UGT1A6: variants seen among roughly 807,000 people sequenced by gnomAD.
UGT1A6 encodes UDP-glucuronosyltransferase 1A6.
In UGT1A6, 32 loss-of-function variants were observed where a neutral mutation model predicts 44.4. The ratio of observed to expected loss-of-function variants is 0.72; its 90% CI spans 0.54 to 0.97. The LOEUF is 0.97. Ranked by LOEUF, UGT1A6 falls within the 50% of genes least tolerant of loss-of-function variation. The probability of loss-of-function intolerance (pLI) is 0.00; values close to 1 mark genes in which losing one functional copy is unlikely to be tolerated. For missense variants in UGT1A6, 685 were observed against 661.9 expected, an observed-to-expected ratio of 1.03 and a Z score of -0.38; for synonymous variants, 238 against 248.5, an observed-to-expected ratio of 0.96 and a Z score of 0.40.
chr2:233,718,709 A>T, intron 1 of UGT1A6: 1 of 1,605,752 alleles, frequency 6.2e-7, no homozygotes, highest in African/African-American at 1.3e-5. Context: ...TTGTCTTCCA[A>T]TTACATGCTG....
At chr2:233,770,225 G>C (rs747501170) in intron 4 of UGT1A6, 1 of 152,132 alleles carries the variant, frequency 6.6e-6, no homozygotes, top group Admixed American at 6.5e-5. Flanking sequence ...CTGTCTGATT[G>C]TGAATCTCCA....
chr2:233,758,249 A>C (rs1008368022), intron 1 of UGT1A6, among the ~76,000 whole-genome samples: 1 of 152,236 alleles, frequency 6.6e-6, no homozygotes, highest in African/African-American at 2.4e-5. Context: ...CCCACTATTC[A>C]GATTAGTAAG....
intron 1 of UGT1A6, among the ~76,000 whole-genome samples, chr2:233,711,847 GC>G: frequency 6.6e-6 from 1 of 152,180 alleles, no homozygotes; most frequent in Non-Finnish European, 1.5e-5. Context: ...CAGCAATCTT[GC>G]CAAGCACAAG....
upstream of UGT1A6, chr2:233,692,790 G>A (rs1279360815): frequency 1.5e-6 from 2 of 1,368,172 alleles, no homozygotes; most frequent in Non-Finnish European, 1.9e-6. Context: ...TCAGGTGAAA[G>A]CTGACACGGC....
At position 233,772,036 on chromosome 2, in the gene UGT1A6, C is replaced by T. The variant is rs575173136; in HGVS notation, c.1302-226C>T. Among the ~76,000 whole-genome samples, 3 of 152,210 alleles carry T rather than the reference C, an allele frequency of 2.0e-5. No individual in the cohort carries two copies. The East Asian group carries it at 5.8e-4, about 29-fold the overall frequency. Reference sequence around the variant, plus strand: ...GCTGAGGCAGGAGGATGGCTTGAGCCCAGGAGTTGGAGGCTGCAGTTAGCC... The same window carrying T: ...GCTGAGGCAGGAGGATGGCTTGAGCTCAGGAGTTGGAGGCTGCAGTTAGCC... On this transcript the variant is annotated intron_variant, in intron 4 of 4. Transcript: ENST00000305139.
chr2:233,695,778 T>A (rs2075306638), intron 1 of UGT1A6, among the ~76,000 whole-genome samples: 1 of 152,202 alleles, frequency 6.6e-6, no homozygotes, highest in African/African-American at 2.4e-5. Context: ...CTGAATAATT[T>A]TCCATTCTGT....
chr2:233,718,384 C>A (rs1299175522), intron 1 of UGT1A6, among the ~76,000 whole-genome samples: 1 of 152,166 alleles, frequency 6.6e-6, no homozygotes, highest in Non-Finnish European at 1.5e-5. Flanking sequence ...GAAAGAGTTT[C>A]AAGGGTTAGC....
At chr2:233,713,228 G>T (rs200357281) in intron 1 of UGT1A6, 1 of 1,614,210 alleles carries the variant, frequency 6.2e-7, no homozygotes, top group Admixed American at 1.7e-5. Context: ...CCCTGACAAC[G>T]TATGCCATTT....
intron 1 of UGT1A6, chr2:233,730,017 A>G (rs1485743576): frequency 6.2e-7 from 1 of 1,613,756 alleles, no homozygotes; most frequent in South Asian, 1.1e-5. Flanking sequence ...CCTTCATCCA[A>G]TCAATGTTCC....
At position 233,769,843 on chromosome 2, in the gene UGT1A6, G is replaced by T; in HGVS notation, c.1301+1404G>T. On this transcript the variant is annotated intron_variant, in intron 4 of 4. Transcript: ENST00000305139. The surrounding 1 kb of genome is among the most constrained non-coding windows in gnomAD (Gnocchi z 4.4). ...GCACTCCAGCAACCTGGGCAACAGA[G>T]TGAGACCCTGTCTCAAAAAAAAAAA... 9 of 506,258 alleles carry T rather than the reference G, an allele frequency of 1.8e-5. No individual in the cohort carries two copies. The highest frequency in any genetic ancestry group is 4.7e-5 in the South Asian group (1 of 21,142). The allele number at this position is 506,258 out of a possible 1,614,324, so 31.4% of individuals were successfully genotyped here.
chr2:233,743,528 A>G (rs1026990918), intron 1 of UGT1A6: 10 of 1,367,274 alleles, frequency 7.3e-6, no homozygotes, highest in East Asian at 9.1e-5. Flanking sequence ...CTGCTTCCCC[A>G]GCAGTTCCTC....
intron 1 of UGT1A6, among the ~76,000 whole-genome samples, chr2:233,703,726 CT>C (rs958884874): frequency 4.0e-5 from 6 of 151,698 alleles, no homozygotes; most frequent in Admixed American, 1.3e-4. Context: ...TAAATATAAA[CT>C]TTTTTTTGTT....
intron 1 of UGT1A6, among the ~76,000 whole-genome samples, chr2:233,711,031 G>A (rs1185789408): frequency 6.6e-6 from 1 of 152,142 alleles, no homozygotes; most frequent in African/African-American, 2.4e-5. Context: ...TTTTTCTGGG[G>A]TGACCTCACT....
intron 1 of UGT1A6, among the ~76,000 whole-genome samples, chr2:233,758,930 C>T (rs1427100702): frequency 6.6e-6 from 1 of 152,236 alleles, no homozygotes; most frequent in Non-Finnish European, 1.5e-5. Context: ...TCCCTTTTGA[C>T]TTCAAATCAG....
At chr2:233,692,857 T>G (rs2075117463), upstream of UGT1A6, 1 of 1,468,162 alleles carries the variant, frequency 6.8e-7, no homozygotes, top group South Asian at 1.5e-5. Context: ...ATTTGGGTTC[T>G]TACATATCAA....
At chr2:233,713,913 A>T in intron 1 of UGT1A6, 1 of 1,612,556 alleles carries the variant, frequency 6.2e-7, no homozygotes, top group Non-Finnish European at 8.5e-7. Context: ...CTTTTTAAAA[A>T]ATGTATTTAC....
intron 1 of UGT1A6, chr2:233,740,811 C>T (rs1350970609): frequency 1.3e-5 from 2 of 151,872 alleles, no homozygotes; most frequent in Admixed American, 1.3e-4. Flanking sequence ...TAGCACTGTT[C>T]TGTTTTTGAG....
rs28900377 is a variant in UGT1A6 at position 233,743,611 on chromosome 2, C to T, written c.862-23423C>T. The T allele has an allele frequency of 3.6e-3, 4,908 of 1,367,342 alleles. 268 individuals are homozygous for T. The African/African-American group carries it at 0.064, about 18-fold the overall frequency. The allele number at this position is 1,367,342 out of a possible 1,614,324, so 84.7% of individuals were successfully genotyped here. The stretch of plus-strand genomic sequence containing the variant: ...AGAATGGGTCCTGGCCGCCGAAGAA[C>T]TCCCTGAAGACGTCGGCTGGGTCGC... On this transcript the variant is annotated intron_variant, in intron 1 of 4. Transcript: ENST00000305139.
intron 1 of UGT1A6, among the ~76,000 whole-genome samples, chr2:233,702,779 G>C (rs558414235): frequency 6.6e-6 from 1 of 152,280 alleles, no homozygotes; most frequent in South Asian, 2.1e-4. Flanking sequence ...ATTTGCAGGT[G>C]TAAACGAACC....
Sources: allele counts gnomAD v4.1 joint callset (sites outside exome capture counted in the v4.1 genomes callset), GRCh38; gene constraint gnomAD v4.1.1; non-coding constraint Gnocchi (gnomAD v3.1); transcripts MANE v1.5; gene names NCBI Gene and HGNC (gene_info 2026-07-23, HGNC 2026-07-21).